Variants in FSTL4 observed in about 807,000 individuals in gnomAD.
The protein encoded by FSTL4 is follistatin-related protein 4.
In FSTL4, 28 loss-of-function variants were observed where a neutral mutation model predicts 78.2. That is an observed-to-expected ratio of 0.36 (90% CI 0.27 to 0.49). The LOEUF is 0.49. Ranked by LOEUF, FSTL4 falls within the 20% of genes least tolerant of loss-of-function variation. The pLI, the probability that FSTL4 is intolerant of heterozygous loss-of-function variation, is 0.98. For synonymous variants in FSTL4, 422 were observed against 440.5 expected (o/e 0.96, Z 0.53); for missense variants, 922 against 1,084.9 (o/e 0.85, Z 2.11).
intron 3 of FSTL4, among the ~76,000 whole-genome samples, chr5:133,556,656 G>A (rs1364831495): frequency 6.6e-6 from 1 of 152,112 alleles, no homozygotes; most frequent in Non-Finnish European, 1.5e-5. Context: ...GAACCCAGGA[G>A]GCAGAGGTTG....
intron 3 of FSTL4, among the ~76,000 whole-genome samples, chr5:133,409,114 A>C (rs996307967): frequency 1.3e-5 from 2 of 152,214 alleles, no homozygotes; most frequent in Non-Finnish European, 2.9e-5. Context: ...CCAGGGCTTC[A>C]CTGGACCCTT....
chr5:133,484,887 C>T (rs1758101660), intron 3 of FSTL4, among the ~76,000 whole-genome samples: 1 of 152,192 alleles, frequency 6.6e-6, no homozygotes, highest in Non-Finnish European at 1.5e-5. Context: ...CAGCTCAGAG[C>T]TTTCTAAATG....
At chr5:133,572,977 A>C (rs1053965631) in intron 2 of FSTL4, among the ~76,000 whole-genome samples, 2 of 152,152 alleles carry the variant, frequency 1.3e-5, no homozygotes, top group Non-Finnish European at 2.9e-5. Context: ...GGGCGAGGTG[A>C]CTCATGCATG....
chr5:133,573,895 T>C (rs1760216776), intron 2 of FSTL4, among the ~76,000 whole-genome samples: 1 of 152,236 alleles, frequency 6.6e-6, no homozygotes, highest in Non-Finnish European at 1.5e-5. Context: ...ATAAAAATCA[T>C]TTCCTGATGG....
At chr5:133,790,539 C>G in the FSTL4 span, among the ~76,000 whole-genome samples, 1 of 152,158 alleles carries the variant, frequency 6.6e-6, no homozygotes, top group Non-Finnish European at 1.5e-5. Flanking sequence ...AAAGGCCAAT[C>G]AATGGCTCCT....
Position 133,424,250 on chromosome 5 carries a change from G to A in FSTL4, c.161-23264C>T, listed in dbSNP as rs527478513. Reference sequence around the variant, plus strand: ...CGTTTGCTGAGTGATTCTGCTGCGCGGGTAACCACCCAGACCCGTGAACAG... The same window carrying A: ...CGTTTGCTGAGTGATTCTGCTGCGCAGGTAACCACCCAGACCCGTGAACAG... On this transcript the variant is annotated intron_variant, in intron 3 of 15. Transcript: ENST00000265342. 2.6e-5 allele frequency among the ~76,000 whole-genome samples: 4 copies of A among 152,268 alleles called. No homozygotes were observed. In the East Asian group the frequency reaches 7.7e-4, roughly 29 times the overall value.
At chr5:133,448,614 T>A (rs571297603) in intron 3 of FSTL4, among the ~76,000 whole-genome samples, 1 of 151,776 alleles carries the variant, frequency 6.6e-6, no homozygotes, top group South Asian at 2.1e-4. Context: ...GTCACTGTCC[T>A]CACCATGACA....
At chr5:133,487,033 CACTT>C (rs945602944) in intron 3 of FSTL4, among the ~76,000 whole-genome samples, 3 of 152,172 alleles carry the variant, frequency 2.0e-5, no homozygotes, top group African/African-American at 7.2e-5. Flanking sequence ...CATGGAGTGC[CACTT>C]ACTTATATTA....
At chr5:133,330,029 C>T (rs777860066) in intron 4 of FSTL4, among the ~76,000 whole-genome samples, 11 of 152,170 alleles carry the variant, frequency 7.2e-5, no homozygotes, top group African/African-American at 1.7e-4. Context: ...AATCCCATCT[C>T]TAAAGCGACA....
At chr5:133,716,454 T>G in the FSTL4 span, among the ~76,000 whole-genome samples, 1 of 151,990 alleles carries the variant, frequency 6.6e-6, no homozygotes, top group Admixed American at 6.6e-5. Context: ...TAATGCTATG[T>G]GTTTGCCAAA....
At chr5:133,756,555 T>G in the FSTL4 span, among the ~76,000 whole-genome samples, 492 of 152,196 alleles carry the variant, frequency 3.2e-3, 14 homozygotes, top group East Asian at 0.057. Flanking sequence ...TTCCCCCAGT[T>G]CCAGCCCACC....
chr5:133,421,614 G>A, intron 3 of FSTL4, among the ~76,000 whole-genome samples: 1 of 152,234 alleles, frequency 6.6e-6, no homozygotes, highest in East Asian at 1.9e-4. Flanking sequence ...AGGAGGGGGA[G>A]CCATTTCCAA....
At chr5:133,383,487 T>C (rs1450075686) in intron 4 of FSTL4, among the ~76,000 whole-genome samples, 1 of 152,156 alleles carries the variant, frequency 6.6e-6, no homozygotes, top group African/African-American at 2.4e-5. Flanking sequence ...CAGATCTCCA[T>C]CCCATTGAAT....
At chr5:133,407,988 G>A (rs1756399778) in intron 3 of FSTL4, among the ~76,000 whole-genome samples, 1 of 152,210 alleles carries the variant, frequency 6.6e-6, no homozygotes, top group Admixed American at 6.5e-5. Flanking sequence ...CCTAGGCTAG[G>A]CACACAGTAG....
chr5:133,595,159 C>T (rs1324063225), intron 2 of FSTL4, among the ~76,000 whole-genome samples: 1 of 152,210 alleles, frequency 6.6e-6, no homozygotes, highest in Non-Finnish European at 1.5e-5. Context: ...GCCAAGCAGG[C>T]CCTCAAAGCC....
At chr5:133,643,373 A>T in the FSTL4 span, among the ~76,000 whole-genome samples, 1 of 152,222 alleles carries the variant, frequency 6.6e-6, no homozygotes, top group African/African-American at 2.4e-5. Flanking sequence ...AGGCATATCC[A>T]TTGGGAAGAA....
rs1580821832 is a variant in FSTL4, at chr5:133,611,217, C to G, written c.-11+1108G>C. On this transcript the variant is annotated intron_variant, in intron 1 of 15. Coordinates refer to ENST00000265342, the MANE Select transcript of FSTL4 (RefSeq NM_015082.2). This position sits in a 1 kb window ranked among gnomAD's most constrained non-coding sequence, Gnocchi z 4.9. The stretch of plus-strand genomic sequence containing the variant: ...TCTCGAGCCGCGACACCGACCTCGC[C>G]GGGCCCGCCCCGCTGACCCGCGCAC... Among the ~76,000 whole-genome samples, 1 of 152,202 alleles carries G rather than the reference C, an allele frequency of 6.6e-6. No individual in the cohort carries two copies. Among genetic ancestry groups the G allele is most frequent in the East Asian group, 1.9e-4 (1 of 5,138 alleles).
chr5:133,635,766 A>AAAAC, the FSTL4 span, among the ~76,000 whole-genome samples: 5 of 151,928 alleles, frequency 3.3e-5, no homozygotes, highest in East Asian at 1.9e-4. Context: ...CCATCTCCAA[A>AAAAC]AAACAAACAA....
At chr5:133,217,859 C>G (rs1317436001) in intron 12 of FSTL4, among the ~76,000 whole-genome samples, 1 of 152,148 alleles carries the variant, frequency 6.6e-6, no homozygotes, top group East Asian at 1.9e-4. Context: ...TCCATCCTCC[C>G]TCGGCGGCTG....
Sources: gnomAD v4.1 joint callset for allele counts (sites outside exome capture counted in the v4.1 genomes callset) on GRCh38, gnomAD v4.1.1 for gene constraint, Gnocchi (gnomAD v3.1) non-coding constraint, MANE v1.5 for transcripts, NCBI Gene and HGNC (gene_info 2026-07-23, HGNC 2026-07-21) for gene names.